Variants in CELSR1 observed in about 807,000 individuals in gnomAD.
CELSR1 encodes the protein cadherin EGF LAG seven-pass G-type receptor 1.
A neutral mutation model predicts 249.1 loss-of-function variants in CELSR1; 110 were observed. That is an observed-to-expected ratio of 0.44 (90% CI 0.38 to 0.52). The LOEUF is 0.52. CELSR1 is among the 20% of genes least tolerant of loss of function. The pLI, the probability that CELSR1 is intolerant of heterozygous loss-of-function variation, is 0.00. For missense variants in CELSR1, 4,109 were observed against 4,296.4 expected, an observed-to-expected ratio of 0.96 and a Z score of 1.22; for synonymous variants, 2,113 against 1,900.0, an observed-to-expected ratio of 1.11 and a Z score of -2.92.
intron 1 of CELSR1, among the ~76,000 whole-genome samples, chr22:46,519,927 A>AGT (rs2080668250): frequency 6.8e-6 from 1 of 147,272 alleles, no homozygotes; most frequent in South Asian, 2.1e-4. Flanking sequence ...GCTGGAGTGC[A>AGT]GTGGCGCAAC....
chr22:46,386,240 G>C (rs946319152), intron 19 of CELSR1, among the ~76,000 whole-genome samples, 162 bp downstream of exon 19: 1 of 152,218 alleles, frequency 6.6e-6, no homozygotes, highest in African/African-American at 2.4e-5. Flanking sequence ...AAAGTGCTGG[G>C]ATTACAGGTA....
chr22:46,458,895 G>A (rs1383628899), intron 2 of CELSR1, among the ~76,000 whole-genome samples: 1 of 151,628 alleles, frequency 6.6e-6, no homozygotes, highest in Non-Finnish European at 1.5e-5. Flanking sequence ...GTTTTTTTTT[G>A]TTTGTGTTTT....
rs185197467 is a variant in CELSR1 at position 46,418,506 on chromosome 22, T to A, written c.4612-6747A>T. 6.7e-3 allele frequency among the ~76,000 whole-genome samples: 1,017 copies of A among 151,668 alleles called. 10 individuals are homozygous for A. The highest frequency in any genetic ancestry group is 8.3e-3 in the Non-Finnish European group (561 of 67,942). ...CCTCAGAATAAATAAATAAATAAAT[T>A]AAAATAAAATATAACATAAAATCAT... On this transcript the variant is annotated intron_variant, in intron 5 of 34. Transcript: ENST00000674500.
At chr22:46,456,661 TAA>T (rs556357746) in intron 2 of CELSR1, among the ~76,000 whole-genome samples, 2,018 of 60,104 alleles carry the variant, frequency 0.034, 58 homozygotes, top group African/African-American at 0.1. Context: ...AGACTCTGTC[TAA>T]AAAAAAAAAA....
Position 46,472,186 on chromosome 22 carries a change from G to A in CELSR1, c.3545-7841C>T, listed in dbSNP as rs536820370. ...AGCAGACGGCAGAGCGCGAGGCTGCGGGGCCCTCCTGGCAGGTGCTGTACA... is the reference window on the plus strand; with the variant it reads ...AGCAGACGGCAGAGCGCGAGGCTGCAGGGCCCTCCTGGCAGGTGCTGTACA... On this transcript the variant is annotated intron_variant, in intron 1 of 34. Coordinates refer to ENST00000674500, the MANE Select transcript of CELSR1 (RefSeq NM_001378328.1). The surrounding 1 kb of genome is among the most constrained non-coding windows in gnomAD (Gnocchi z 7.0). 3.3e-5 allele frequency among the ~76,000 whole-genome samples: 5 copies of A among 152,316 alleles called. No individual in the cohort carries two copies. The highest frequency in any genetic ancestry group is 1.9e-4 in the East Asian group (1 of 5,180).
Position 46,484,345 on chromosome 22 carries a change from C to G in CELSR1, c.3545-20000G>C, listed in dbSNP as rs1189501356. 6.6e-6 allele frequency among the ~76,000 whole-genome samples: 1 copy of G among 152,168 alleles called. No homozygotes were observed. Among genetic ancestry groups the G allele is most frequent in the African/African-American group, 2.4e-5 (1 of 41,452 alleles). ...AGCCCAGCCCAGCCCATGGTGGCAG[C>G]TGCCTCGGGCCCAGCCCTCCTCAGA... On this transcript the variant is annotated intron_variant, in intron 1 of 34. Coordinates refer to ENST00000674500, the MANE Select transcript of CELSR1 (RefSeq NM_001378328.1). The surrounding 1 kb of genome is among the most constrained non-coding windows in gnomAD (Gnocchi z 4.5).
chr22:46,373,884 A>G (rs1333353733), intron 24 of CELSR1, among the ~76,000 whole-genome samples: 1 of 152,154 alleles, frequency 6.6e-6, no homozygotes, highest in Non-Finnish European at 1.5e-5. Flanking sequence ...ACAGAAGCGT[A>G]GGAGGAGAAC....
rs191487096 is a variant in CELSR1, at chr22:46,447,685, C to A, written c.4184-8274G>T. Among the ~76,000 whole-genome samples, 1 of 152,136 alleles carries A rather than the reference C, an allele frequency of 6.6e-6. No individual in the cohort carries two copies. Among genetic ancestry groups the A allele is most frequent in the Admixed American group, 6.5e-5 (1 of 15,278 alleles). On this transcript the variant is annotated intron_variant, in intron 2 of 34. Coordinates refer to ENST00000674500, the MANE Select transcript of CELSR1 (RefSeq NM_001378328.1). This position sits in a 1 kb window ranked among gnomAD's most constrained non-coding sequence, Gnocchi z 4.7. ...TCGCCCAGGCTGGAGTGCAATGGTG[C>A]GATCTCGGCTCACAACCTCCACCTC... is the stretch of plus-strand genomic sequence containing the variant.
intron 2 of CELSR1, among the ~76,000 whole-genome samples, chr22:46,461,738 G>A (rs1253015396): frequency 6.6e-6 from 1 of 152,248 alleles, no homozygotes; most frequent in Non-Finnish European, 1.5e-5. Context: ...TGGCGTCCTT[G>A]CCAACTCTTG....
At chr22:46,383,438 G>T (rs544811706) in intron 20 of CELSR1, among the ~76,000 whole-genome samples, 2 of 152,334 alleles carry the variant, frequency 1.3e-5, no homozygotes, top group South Asian at 4.1e-4. Flanking sequence ...TTGAAGATTT[G>T]TTCATACACA....
chr22:46,535,943 T>C lies in CELSR1; in HGVS notation c.1228A>G (p.Ser410Gly). 1 of 1,609,906 alleles carries C rather than the reference T, an allele frequency of 6.2e-7. No homozygotes were observed. The highest frequency in any genetic ancestry group is 1.7e-5 in the Admixed American group (1 of 59,990). The change falls in exon 1 of 35, where the codon AGC becomes GGC. Residue 410 changes from serine to glycine, a missense_variant. By Grantham distance (56) the Ser-to-Gly change is moderately conservative (BLOSUM62 0). Around this residue, in one of 7 missense-constraint regions of CELSR1, gnomAD observed 673 missense variants for 636.8 expected, o/e 1.06. Transcript: ENST00000674500. ...TCCCGGTCCAGCACCGCCCGTGTGC[T>C]CACCACGCCAGAGCTCTCGTTGAGC... ...FQLNESSGVVSTRAVLDREEA... is the reference protein window; with the variant it reads ...FQLNESSGVVGTRAVLDREEA...
At chr22:46,421,985 C>T (rs2079478805) in intron 5 of CELSR1, among the ~76,000 whole-genome samples, 1 of 152,272 alleles carries the variant, frequency 6.6e-6, no homozygotes, top group African/African-American at 2.4e-5. Flanking sequence ...AAATTACCAG[C>T]CTGCATGGCC....
At chr22:46,514,068 C>T (rs934569236) in intron 1 of CELSR1, among the ~76,000 whole-genome samples, 2 of 152,278 alleles carry the variant, frequency 1.3e-5, no homozygotes, top group African/African-American at 2.4e-5. Context: ...GCTGGTATTA[C>T]AGGCACGAGC....
intron 1 of CELSR1, among the ~76,000 whole-genome samples, chr22:46,495,720 C>G (rs989333273): frequency 3.3e-5 from 5 of 152,174 alleles, no homozygotes; most frequent in African/African-American, 9.7e-5. Flanking sequence ...GAGGCTGAGT[C>G]AGGAGAATCG....
chr22:46,433,186 C>A lies in CELSR1; in HGVS notation c.4611+207G>T, dbSNP rs1453203175. Among the ~76,000 whole-genome samples, 13 of 152,082 alleles carry A rather than the reference C, an allele frequency of 8.5e-5. No individual in the cohort carries two copies. The highest frequency in any genetic ancestry group is 8.5e-4 in the Admixed American group (13 of 15,278). On this transcript the variant is annotated intron_variant, in intron 5 of 34. Transcript: ENST00000674500. The surrounding 1 kb of genome is among the most constrained non-coding windows in gnomAD (Gnocchi z 5.7). ...GGATTACAGGCACCCGCCACCACGCCCGGCTAATTTTTTAATTTTTGTATT... is the reference window on the plus strand; with the variant it reads ...GGATTACAGGCACCCGCCACCACGCACGGCTAATTTTTTAATTTTTGTATT...
chr22:46,519,282 C>T (rs74761290), intron 1 of CELSR1, among the ~76,000 whole-genome samples: 3 of 152,242 alleles, frequency 2.0e-5, no homozygotes, highest in Non-Finnish European at 4.4e-5. Context: ...GTTAACTTCA[C>T]GTTCTGTGAA....
intron 19 of CELSR1, 88 bp downstream of exon 19, chr22:46,386,314 C>T: frequency 7.3e-7 from 1 of 1,373,764 alleles, no homozygotes; most frequent in Non-Finnish European, 9.6e-7. Flanking sequence ...GGGCCGGGAG[C>T]CCACCTGCTT....
intron 23 of CELSR1, 76 bp downstream of exon 23, chr22:46,378,515 G>A (rs962330536): frequency 6.6e-5 from 98 of 1,492,216 alleles, no homozygotes; most frequent in Non-Finnish European, 8.8e-5. Flanking sequence ...GTTTGGCGGG[G>A]AGGTGCAGGT....
rs958652386 is a variant in CELSR1, at chr22:46,398,873, G to C, written c.5413-236C>G. On this transcript the variant is annotated intron_variant, in intron 10 of 34. Coordinates refer to ENST00000674500, the MANE Select transcript of CELSR1 (RefSeq NM_001378328.1). This position sits in a 1 kb window ranked among gnomAD's most constrained non-coding sequence, Gnocchi z 7.2. ...TGGGTGTCCATGCCCCAGCCTAGCTGAGGCGGCCAGTGGGGTCAACGTGGG... is the reference window on the plus strand; with the variant it reads ...TGGGTGTCCATGCCCCAGCCTAGCTCAGGCGGCCAGTGGGGTCAACGTGGG... Among the ~76,000 whole-genome samples the C allele has an allele frequency of 3.9e-5, 6 of 152,232 alleles. No individual in the cohort carries two copies. Among genetic ancestry groups the C allele is most frequent in the African/African-American group, 1.4e-4 (6 of 41,446 alleles).
Sources: gnomAD v4.1 joint callset for allele counts (sites outside exome capture counted in the v4.1 genomes callset) on GRCh38, gnomAD v4.1.1 for gene constraint, gnomAD v4.1.1 regional missense constraint, Gnocchi (gnomAD v3.1) non-coding constraint, MANE v1.5 for transcripts, NCBI Gene and HGNC (gene_info 2026-07-23, HGNC 2026-07-21) for gene names.